Variants in LIN7C observed in about 807,000 individuals in gnomAD.
The protein encoded by LIN7C is lin-7 cell polarity scaffold C.
Under a neutral mutation model 24.7 loss-of-function variants are expected in LIN7C, and 17 were observed. The ratio of observed to expected loss-of-function variants is 0.69; its 90% CI spans 0.47 to 1.03. The LOEUF (loss-of-function observed/expected upper bound fraction) is 1.03, where lower values mean the gene tolerates loss of function less well. Ranked by LOEUF, LIN7C falls within the 50% of genes least tolerant of loss-of-function variation. The pLI is 0.00. For missense variants in LIN7C, 204 were observed against 239.0 expected (o/e 0.85, Z 0.97); for synonymous variants, 90 against 83.4 (o/e 1.08, Z -0.43).
chr11:27,501,953 C>T, intron 1 of LIN7C, 33 bp from the exon 2 acceptor site: 1 of 1,395,914 alleles, frequency 7.2e-7, no homozygotes, highest in Non-Finnish European at 1.0e-6. Context: ...ATAATTTTCT[C>T]CAAGGGTTTT....
intron 3 of LIN7C, among the ~76,000 whole-genome samples, chr11:27,500,204 G>A (rs561334763): frequency 6.6e-6 from 1 of 152,070 alleles, no homozygotes; most frequent in Non-Finnish European, 1.5e-5. Flanking sequence ...ATGGTAAGGA[G>A]GAAAACCCCT....
At chr11:27,506,587 GC>G in intron 1 of LIN7C, 128 bp downstream of exon 1, 1 of 1,017,274 alleles carries the variant, frequency 9.8e-7, no homozygotes, top group South Asian at 1.4e-5. Context: ...GACAACGGCG[GC>G]CTCTGGCGCC....
At chr11:27,500,357 C>T (rs564862112) in intron 3 of LIN7C, among the ~76,000 whole-genome samples, 1 of 152,206 alleles carries the variant, frequency 6.6e-6, no homozygotes, top group East Asian at 1.9e-4. Flanking sequence ...ACTATTTGTA[C>T]TATATACTAA....
intron 3 of LIN7C, 113 bp downstream of exon 3, chr11:27,501,382 C>A: frequency 1.4e-6 from 1 of 692,740 alleles, no homozygotes; most frequent in Non-Finnish European, 2.5e-6. Flanking sequence ...TTTGGTGTAG[C>A]TTGAAAGATA....
In LIN7C at chr11:27,496,260, T is replaced by A. The variant is rs1255397551; in HGVS notation, c.*2389A>T. 1.3e-5 allele frequency: 2 copies of A among 152,008 alleles called. No homozygotes were observed. The highest frequency in any genetic ancestry group is 2.9e-5 in the Non-Finnish European group (2 of 68,010). The allele number at this position is 152,008 out of a possible 1,614,324, so 9.4% of individuals were successfully genotyped here. A position where few individuals can be genotyped will look rare whatever the true frequency, so the allele number is the denominator to read the frequency against. Reference sequence around the variant, plus strand: ...GCTAATATGTAGCTAAGATTGAGAATCACTAAGTCAACACATTTTGATATA... The same window carrying A: ...GCTAATATGTAGCTAAGATTGAGAAACACTAAGTCAACACATTTTGATATA... On this transcript the variant is annotated 3_prime_UTR_variant, in exon 5 of 5. Transcript: ENST00000278193.
intron 1 of LIN7C, among the ~76,000 whole-genome samples, chr11:27,505,859 C>T (rs1171566289): frequency 6.6e-6 from 1 of 152,088 alleles, no homozygotes; most frequent in Non-Finnish European, 1.5e-5. Context: ...GAAAAGCATG[C>T]TTGAAATTGT....
At chr11:27,498,937 A>C (rs889000724) in intron 4 of LIN7C, 133 bp from the exon 5 acceptor site, 4 of 761,514 alleles carry the variant, frequency 5.3e-6, no homozygotes, top group East Asian at 2.7e-5. Flanking sequence ...TACAAAACTA[A>C]GAAATAATCC....
Position 27,498,710 on chromosome 11 carries a change from A to C in LIN7C, c.533T>G (p.Leu178Ter). The part of the protein sequence containing the change: ...KLVVRYTPKV[L>*]EEMESRFEKM... ...TTCAAAGCGCGACTCCATTTCTTCT[A>C]AGACTTTGGGTGTGTATCGTACCAC... Residue 178 changes from leucine to a stop codon, truncating the protein, a stop_gained, in exon 5 of 5, where the codon TTA becomes TGA. Coordinates refer to ENST00000278193, the MANE Select transcript of LIN7C (RefSeq NM_018362.4). LOFTEE classifies it high-confidence loss of function. The C allele has an allele frequency of 6.2e-7, 1 of 1,614,040 alleles. No individual in the cohort carries two copies. The highest frequency in any genetic ancestry group is 8.5e-7 in the Non-Finnish European group (1 of 1,179,966).
In LIN7C at chr11:27,495,551, T is replaced by C. The variant is rs1865157467; in HGVS notation, c.*3098A>G. 6.6e-6 allele frequency: 1 copy of C among 151,816 alleles called. No homozygotes were observed. Among genetic ancestry groups the C allele is most frequent in the Non-Finnish European group, 1.5e-5 (1 of 67,986 alleles). The allele number at this position is 151,816 out of a possible 1,614,324, so 9.4% of individuals were successfully genotyped here. On this transcript the variant is annotated 3_prime_UTR_variant, in exon 5 of 5. Coordinates refer to ENST00000278193, the MANE Select transcript of LIN7C (RefSeq NM_018362.4). ...AGAACTAGGCTGCTATTATCTAGTA[T>C]TATACTAACAAATGAAGTGCCCACA... is the stretch of plus-strand genomic sequence containing the variant.
In LIN7C at chr11:27,498,092, A is replaced by C. The variant is rs1288600900; in HGVS notation, c.*557T>G. The C allele has an allele frequency of 6.6e-6, 1 of 152,328 alleles. No homozygotes were observed. Among genetic ancestry groups the C allele is most frequent in the Non-Finnish European group, 1.5e-5 (1 of 68,176 alleles). 9.4% of individuals were successfully genotyped at this position (152,328 alleles called of 1,614,324 possible). ...GCACTGTACTGAGTCATGATTTACCACTGGTTATATATATTATGTGTGTGT... is the reference window on the plus strand; with the variant it reads ...GCACTGTACTGAGTCATGATTTACCCCTGGTTATATATATTATGTGTGTGT... On this transcript the variant is annotated 3_prime_UTR_variant, in exon 5 of 5. Coordinates refer to ENST00000278193, the MANE Select transcript of LIN7C (RefSeq NM_018362.4).
Position 27,501,797 on chromosome 11 carries a change from C to G in LIN7C, c.156+5G>C. On this transcript the variant is annotated splice_donor_5th_base_variant and intron_variant, in intron 2 of 4. Transcript: ENST00000278193. ...TTTTTGTAAATTTTAATGATGTTTA[C>G]TCACCTCTCTCACAGCATTGCAGAA... The G allele has an allele frequency of 1.9e-6, 3 of 1,562,884 alleles. No individual in the cohort carries two copies. Among genetic ancestry groups the G allele is most frequent in the Non-Finnish European group, 2.6e-6 (3 of 1,135,782 alleles).
chr11:27,502,066 T>C, intron 1 of LIN7C, 146 bp from the exon 2 acceptor site: 1 of 587,216 alleles, frequency 1.7e-6, no homozygotes, highest in Non-Finnish European at 3.0e-6. Flanking sequence ...GCACATTTGG[T>C]GGGAAGGAGA....
chr11:27,506,588 C>A, intron 1 of LIN7C, 128 bp downstream of exon 1: 1 of 1,043,490 alleles, frequency 9.6e-7, no homozygotes, highest in Non-Finnish European at 1.4e-6. Context: ...ACAACGGCGG[C>A]CTCTGGCGCC....
chr11:27,506,650 C>A, intron 1 of LIN7C, 66 bp downstream of exon 1: 4 of 1,566,696 alleles, frequency 2.6e-6, no homozygotes, highest in Non-Finnish European at 3.5e-6. Flanking sequence ...ACTCCTCCTC[C>A]CCTCCAGCGA....
At chr11:27,499,928 CTT>C (rs1865207170) in intron 3 of LIN7C, among the ~76,000 whole-genome samples, 1 of 152,180 alleles carries the variant, frequency 6.6e-6, no homozygotes, top group African/African-American at 2.4e-5. Flanking sequence ...CGCCTGGCCT[CTT>C]TTGTCTCTTT....
In LIN7C at chr11:27,498,665, C is replaced by A; in HGVS notation, c.578G>T (p.Arg193Leu). ...SRFEKMRSAK[R>L]RQQT is the part of the protein sequence containing the mutation. ...TGAAATGTATTAGGTCTGTTGCCTG[C>A]GTTTTGCTGATCTCATTTTTTCAAA... The change falls in exon 5 of 5, where the codon CGC becomes CTC. Residue 193 changes from arginine to leucine, a missense_variant. Around this residue, in one of 3 missense-constraint regions of LIN7C, gnomAD observed 74 missense variants for 99.6 expected, o/e 0.74. Coordinates refer to ENST00000278193, the MANE Select transcript of LIN7C (RefSeq NM_018362.4). 6.2e-7 allele frequency: 1 copy of A among 1,613,814 alleles called. No individual in the cohort carries two copies. The highest frequency in any genetic ancestry group is 8.5e-7 in the Non-Finnish European group (1 of 1,179,888).
chr11:27,505,308 G>A (rs762267774), intron 1 of LIN7C, among the ~76,000 whole-genome samples: 2 of 152,200 alleles, frequency 1.3e-5, no homozygotes, highest in Non-Finnish European at 2.9e-5. Flanking sequence ...CTCCAGCCTG[G>A]GCGACAGAGC....
rs751568986 is a variant in LIN7C at position 27,501,830 on chromosome 11, T to C, written c.128A>G (p.Gln43Arg). 1 of 1,612,072 alleles carries C rather than the reference T, an allele frequency of 6.2e-7. No individual in the cohort carries two copies. Among genetic ancestry groups the C allele is most frequent in the Non-Finnish European group, 8.5e-7 (1 of 1,178,198 alleles). The change falls in exon 2 of 5, where the codon CAA becomes CGA. Residue 43 changes from glutamine to arginine, a missense_variant. By Grantham distance (43) the Gln-to-Arg change is conservative. This residue lies in a region of LIN7C where 126 missense variants were observed against 117.8 expected (regional missense o/e 1.07). Coordinates refer to ENST00000278193, the MANE Select transcript of LIN7C (RefSeq NM_018362.4). Reference protein sequence around the residue: ...QKLQALQRVLQSEFCNAVREV... With the variant: ...QKLQALQRVLRSEFCNAVREV... ...TCTCACAGCATTGCAGAATTCACTT[T>C]GAAGGACTCTTTGCAAAGCCTGAAG... is the stretch of plus-strand genomic sequence containing the variant.
In LIN7C at chr11:27,494,637, A is replaced by G. The variant is rs766770552; in HGVS notation, c.*4012T>C. The stretch of plus-strand genomic sequence containing the variant: ...TCAGAATTAAATTGATAAATGAAGT[A>G]ATCTATTGAAAAATGTTATTTTACA... On this transcript the variant is annotated 3_prime_UTR_variant, in exon 5 of 5. Coordinates refer to ENST00000278193, the MANE Select transcript of LIN7C (RefSeq NM_018362.4). The G allele has an allele frequency of 6.6e-6, 1 of 152,236 alleles. No homozygotes were observed. The highest frequency in any genetic ancestry group is 3.2e-3 in the Middle Eastern group (1 of 316). The allele number at this position is 152,236 out of a possible 1,614,324, so 9.4% of individuals were successfully genotyped here.
Sources: gnomAD v4.1 joint callset for allele counts (sites outside exome capture counted in the v4.1 genomes callset) on GRCh38, gnomAD v4.1.1 for gene constraint, gnomAD v4.1.1 regional missense constraint, MANE v1.5 for transcripts, NCBI Gene and HGNC (gene_info 2026-07-23, HGNC 2026-07-21) for gene names.